Variants in PDE7B observed in about 807,000 individuals in gnomAD.
PDE7B encodes 3',5'-cyclic-AMP phosphodiesterase 7B.
Under a neutral mutation model 56.2 loss-of-function variants are expected in PDE7B, and 29 were observed. That is an observed-to-expected ratio of 0.52 (90% CI 0.38 to 0.70). The LOEUF is 0.70. Ranked by LOEUF, PDE7B falls within the 30% of genes least tolerant of loss-of-function variation. The pLI, the probability that PDE7B is intolerant of heterozygous loss-of-function variation, is 0.00. For synonymous variants in PDE7B, 197 were observed against 196.9 expected, an observed-to-expected ratio of 1.00 and a Z score of 0.00; for missense variants, 490 against 565.0, an observed-to-expected ratio of 0.87 and a Z score of 1.35.
chr6:136,104,358 T>C (rs1347065656), intron 2 of PDE7B, among the ~76,000 whole-genome samples: 3 of 152,096 alleles, frequency 2.0e-5, no homozygotes, highest in African/African-American at 7.2e-5. Context: ...AAGGACTCAA[T>C]GAATAGTCAA....
intron 2 of PDE7B, among the ~76,000 whole-genome samples, chr6:135,985,785 C>T (rs371165113): frequency 4.6e-5 from 7 of 152,184 alleles, no homozygotes; most frequent in South Asian, 4.1e-4. Context: ...GAACTTTCTT[C>T]GACGTACTAC....
chr6:135,908,471 G>C (rs1055228511), intron 1 of PDE7B, among the ~76,000 whole-genome samples: 1 of 151,800 alleles, frequency 6.6e-6, no homozygotes, highest in Non-Finnish European at 1.5e-5. Flanking sequence ...AATTCAGTAA[G>C]TTTACTCCTA....
intron 2 of PDE7B, among the ~76,000 whole-genome samples, chr6:136,108,372 TTAAGAACGAAAGC>T (rs1183954924): frequency 2.6e-5 from 4 of 152,150 alleles, no homozygotes. Context: ...ATTAACACTT[TTAAGAACGAAAGC>T]TACAATGCAA....
chr6:135,888,110 C>T (rs181166834), intron 1 of PDE7B, among the ~76,000 whole-genome samples: 1 of 152,226 alleles, frequency 6.6e-6, no homozygotes, highest in African/African-American at 2.4e-5. Context: ...GCATTGAGTG[C>T]TTTTGCCTAT....
At chr6:135,934,766 T>TATATATATATTTATATATATATTTTAA (rs1774363722) in intron 1 of PDE7B, among the ~76,000 whole-genome samples, 7 of 97,664 alleles carry the variant, frequency 7.2e-5, no homozygotes, top group Non-Finnish European at 1.4e-4. Context: ...TTTTTAAATA[T>TATATATATATTTATATATATATTTTAA]ATATATATAT....
In PDE7B at chr6:136,120,001, G is replaced by T. The variant is rs181385530; in HGVS notation, c.166+11187G>T. Among the ~76,000 whole-genome samples the T allele has an allele frequency of 3.9e-5, 6 of 152,316 alleles. No individual in the cohort carries two copies. The East Asian group carries it at 1.2e-3, about 29-fold the overall frequency. ...TTGATCTACTGACCCCTGGTCCTCT[G>T]ATTCCTCCGGGCTAGAAAAGACGAT... On this transcript the variant is annotated intron_variant, in intron 3 of 12. Coordinates refer to ENST00000308191, the MANE Select transcript of PDE7B (RefSeq NM_018945.4).
chr6:136,173,193 A>G lies in PDE7B; in HGVS notation c.712-604A>G, dbSNP rs1198495765. Among the ~76,000 whole-genome samples, 6 of 152,330 alleles carry G rather than the reference A, an allele frequency of 3.9e-5. No individual in the cohort carries two copies. In the East Asian group the frequency reaches 7.7e-4, roughly 20 times the overall value. On this transcript the variant is annotated intron_variant, in intron 8 of 12. Transcript: ENST00000308191. Reference sequence around the variant, plus strand: ...CGAACCAAAAAGAGCCCGCATTGCCAAGTCAATCCTAAGCCAAAAGAACAA... The same window carrying G: ...CGAACCAAAAAGAGCCCGCATTGCCGAGTCAATCCTAAGCCAAAAGAACAA...
chr6:136,030,304 G>C (rs976840810), intron 2 of PDE7B, among the ~76,000 whole-genome samples: 7 of 152,184 alleles, frequency 4.6e-5, no homozygotes, highest in Non-Finnish European at 1.0e-4. Flanking sequence ...AGTTACCCTG[G>C]TCTTCCAGCT....
At chr6:136,033,611 T>C (rs555790484) in intron 2 of PDE7B, among the ~76,000 whole-genome samples, 5 of 152,138 alleles carry the variant, frequency 3.3e-5, no homozygotes, top group Non-Finnish European at 5.9e-5. Context: ...TCCTCATCTC[T>C]CCCCACATGC....
chr6:136,077,408 G>A (rs1777142557), intron 2 of PDE7B, among the ~76,000 whole-genome samples: 1 of 152,128 alleles, frequency 6.6e-6, no homozygotes, highest in Admixed American at 6.5e-5. Context: ...CTATAATAAT[G>A]AATGTGATTT....
chr6:136,052,484 G>T (rs539992295), intron 2 of PDE7B, among the ~76,000 whole-genome samples: 1 of 152,112 alleles, frequency 6.6e-6, no homozygotes, highest in Non-Finnish European at 1.5e-5. Context: ...GTGAAAGACA[G>T]TTCCATAAAG....
chr6:136,129,426 A>C (rs1193018341), intron 3 of PDE7B, among the ~76,000 whole-genome samples: 1 of 152,146 alleles, frequency 6.6e-6, no homozygotes, highest in African/African-American at 2.4e-5. Context: ...ATCCAGCCAC[A>C]CTACTTGCCC....
chr6:135,905,109 A>G (rs1013028937), intron 1 of PDE7B, among the ~76,000 whole-genome samples: 1 of 152,210 alleles, frequency 6.6e-6, no homozygotes, highest in Non-Finnish European at 1.5e-5. Flanking sequence ...TCTGCAAATT[A>G]TGTGGCCACT....
At chr6:135,965,197 G>A (rs910561944) in intron 2 of PDE7B, among the ~76,000 whole-genome samples, 6 of 152,186 alleles carry the variant, frequency 3.9e-5, no homozygotes, top group African/African-American at 7.2e-5. Flanking sequence ...GAACATGATG[G>A]ACTATAAAAT....
At chr6:136,034,088 T>C (rs1001068820) in intron 2 of PDE7B, 1 of 152,202 alleles carries the variant, frequency 6.6e-6, no homozygotes, top group Non-Finnish European at 1.5e-5. Flanking sequence ...TAAGAATCTA[T>C]TAATAGATTC....
chr6:135,997,592 T>C (rs1775589905), intron 2 of PDE7B, among the ~76,000 whole-genome samples: 1 of 152,082 alleles, frequency 6.6e-6, no homozygotes, highest in Non-Finnish European at 1.5e-5. Flanking sequence ...TTCTGCAGCA[T>C]TATTTATGAG....
At chr6:135,909,685 A>C (rs747679471) in intron 1 of PDE7B, among the ~76,000 whole-genome samples, 1 of 152,200 alleles carries the variant, frequency 6.6e-6, no homozygotes, top group Admixed American at 6.5e-5. Context: ...TGTTATTTTT[A>C]TATTTTTAAT....
chr6:136,175,701 T>G (rs1778966114), intron 9 of PDE7B, among the ~76,000 whole-genome samples: 1 of 152,182 alleles, frequency 6.6e-6, no homozygotes, highest in African/African-American at 2.4e-5. Context: ...CCGTATGGCA[T>G]TATTGTATAC....
At chr6:135,930,281 G>A (rs148254172) in intron 1 of PDE7B, among the ~76,000 whole-genome samples, 414 of 152,194 alleles carry the variant, frequency 2.7e-3, no homozygotes, top group Non-Finnish European at 4.4e-3. Context: ...GAAAGACCTG[G>A]CCCCATGATT....
Sources: allele counts gnomAD v4.1 joint callset (sites outside exome capture counted in the v4.1 genomes callset), GRCh38; gene constraint gnomAD v4.1.1; transcripts MANE v1.5; gene names NCBI Gene and HGNC (gene_info 2026-07-23, HGNC 2026-07-21).